Variants in RIPOR3 observed in about 807,000 individuals in gnomAD.
The protein encoded by RIPOR3 is RIPOR family member 3, also known as family with sequence similarity 65 member C.
RIPOR3 carries 95 observed loss-of-function variants against 114.3 expected under a neutral mutation model. The ratio of observed to expected loss-of-function variants is 0.83; its 90% CI spans 0.70 to 0.99. The LOEUF is 0.99. RIPOR3 is among the 50% of genes least tolerant of loss of function. RIPOR3 has a pLI of 0.00. For synonymous variants in RIPOR3, 575 were observed against 543.8 expected, an observed-to-expected ratio of 1.06 and a Z score of -0.80; for missense variants, 1,252 against 1,266.9, an observed-to-expected ratio of 0.99 and a Z score of 0.18.
At chr20:50,641,415 C>G (rs571557792) in intron 1 of RIPOR3, among the ~76,000 whole-genome samples, 2 of 152,282 alleles carry the variant, frequency 1.3e-5, no homozygotes, top group Admixed American at 6.5e-5. Context: ...CAGGGTCTCT[C>G]TATGTGGCCC....
intron 3 of RIPOR3, among the ~76,000 whole-genome samples, chr20:50,619,598 T>G (rs2084320067): frequency 6.6e-6 from 1 of 152,248 alleles, no homozygotes; most frequent in Non-Finnish European, 1.5e-5. Context: ...GCTCCTACTG[T>G]GGGGCCTTTG....
intron 14 of RIPOR3, among the ~76,000 whole-genome samples, 190 bp from the exon 15 acceptor site, chr20:50,596,453 C>T (rs1488398034): frequency 6.6e-6 from 1 of 152,158 alleles, no homozygotes; most frequent in Non-Finnish European, 1.5e-5. Flanking sequence ...GGAGGTGTGG[C>T]CAAGGGCCTG....
chr20:50,589,493 G>T (rs146044708), intron 20 of RIPOR3, among the ~76,000 whole-genome samples, 193 bp downstream of exon 20: 1 of 152,096 alleles, frequency 6.6e-6, no homozygotes, highest in Non-Finnish European at 1.5e-5. Context: ...ATGGAGTTTC[G>T]CCATGTTGGC....
chr20:50,664,013 G>A (rs750976351), intron 1 of RIPOR3, among the ~76,000 whole-genome samples: 7 of 142,914 alleles, frequency 4.9e-5, no homozygotes, highest in Non-Finnish European at 9.0e-5. Flanking sequence ...TGCAAACTCC[G>A]CCTCCCGGCT....
rs150809495 is a variant in RIPOR3, at chr20:50,602,213, G to T, written c.1518C>A (p.Thr506=). The change falls in exon 13 of 22, where the codon ACC becomes ACA. Residue 506 remains threonine (T), a synonymous_variant. Transcript: ENST00000327979. This position sits in a 1 kb window ranked among gnomAD's most constrained non-coding sequence, Gnocchi z 4.3. ...SSQNGHEEGA[T]GDREDGPGVA... The stretch of plus-strand genomic sequence containing the variant: ...CGCCAGGCCCGTCCTCTCTGTCCCC[G>T]GTTGCCCCTTCCTCGTGGCCGTTCT... 5.0e-6 allele frequency: 8 copies of T among 1,613,694 alleles called. No homozygotes were observed. The South Asian group carries it at 6.6e-5, about 13-fold the overall frequency.
intron 2 of RIPOR3, among the ~76,000 whole-genome samples, chr20:50,621,720 T>A (rs753413041): frequency 1.3e-5 from 2 of 152,206 alleles, no homozygotes; most frequent in Non-Finnish European, 2.9e-5. Context: ...CAAATCTCCA[T>A]GACAGTGAGT....
At chr20:50,681,236 AAAAAAAG>A (rs2086848582) in intron 1 of RIPOR3, among the ~76,000 whole-genome samples, 1 of 114,262 alleles carries the variant, frequency 8.8e-6, no homozygotes, top group African/African-American at 3.0e-5. Flanking sequence ...AAAAAAAAAA[AAAAAAAG>A]AAAAGAAAAG....
chr20:50,618,509 C>A (rs1158445536), intron 3 of RIPOR3, among the ~76,000 whole-genome samples: 1 of 152,052 alleles, frequency 6.6e-6, no homozygotes, highest in African/African-American at 2.4e-5. Context: ...CTGGAATGTT[C>A]TTTTCCCCTT....
intron 1 of RIPOR3, among the ~76,000 whole-genome samples, chr20:50,667,218 A>G (rs867817340): frequency 5.3e-4 from 80 of 151,808 alleles, no homozygotes; most frequent in African/African-American, 1.9e-3. Flanking sequence ...CCCATCCCCA[A>G]ACGAGCCTCC....
At chr20:50,665,308 G>A (rs1410276727) in intron 1 of RIPOR3, among the ~76,000 whole-genome samples, 8 of 149,198 alleles carry the variant, frequency 5.4e-5, no homozygotes, top group Admixed American at 2.7e-4. Context: ...AATGCTGGAC[G>A]TGGTGATGTG....
chr20:50,678,635 G>A (rs1335549407), intron 1 of RIPOR3, among the ~76,000 whole-genome samples: 1 of 152,162 alleles, frequency 6.6e-6, no homozygotes. Flanking sequence ...ATCATCAGGG[G>A]ACTGGACTAA....
chr20:50,594,206 G>T (rs1228796549), intron 17 of RIPOR3, among the ~76,000 whole-genome samples: 1 of 151,242 alleles, frequency 6.6e-6, no homozygotes, highest in African/African-American at 2.4e-5. Flanking sequence ...AACCCGGGAG[G>T]TAGAGGTTGC....
At position 50,673,616 on chromosome 20, in the gene RIPOR3, C is replaced by T. The variant is rs567752358; in HGVS notation, c.3+17510G>A. On this transcript the variant is annotated intron_variant, in intron 1 of 21. Transcript: ENST00000327979. ...AGAGGCTCCTAACTGCACCCACCCC[C>T]GATCAGCCAAAGCCAATTACTCCAC... 6.6e-5 allele frequency among the ~76,000 whole-genome samples: 10 copies of T among 152,330 alleles called. No individual in the cohort carries two copies. The East Asian group carries it at 9.6e-4, about 15-fold the overall frequency.
chr20:50,592,393 G>T lies in RIPOR3; in HGVS notation c.2528C>A (p.Ala843Asp). Residue 843 changes from alanine (A) to aspartate (D), a missense_variant, in exon 19 of 22, where the codon GCC becomes GAC. Coordinates refer to ENST00000327979, the MANE Select transcript of RIPOR3 (RefSeq NM_001290268.2). ...LDGTPRVCRA[A>D]SARLAGAVRN... is the part of the protein sequence containing the mutation. ...GACTGCACCAGCCAGGCGAGCGCTG[G>T]CCGCCCTGCACACCCTCGGAGTGCC... 2 of 1,607,262 alleles carry T rather than the reference G, an allele frequency of 1.2e-6. No individual in the cohort carries two copies. The highest frequency in any genetic ancestry group is 1.7e-6 in the Non-Finnish European group (2 of 1,175,254).
At chr20:50,594,207 T>C (rs148571862) in intron 17 of RIPOR3, among the ~76,000 whole-genome samples, 8,253 of 142,928 alleles carry the variant, frequency 0.058, 324 homozygotes, top group Non-Finnish European at 0.084. Context: ...ACCCGGGAGG[T>C]AGAGGTTGCA....
intron 2 of RIPOR3, chr20:50,620,841 G>A (rs2084374243): frequency 1.3e-5 from 11 of 842,476 alleles, no homozygotes; most frequent in South Asian, 4.2e-5. Flanking sequence ...AGGCACAGCC[G>A]CTGCAGTGGG....
intron 2 of RIPOR3, among the ~76,000 whole-genome samples, chr20:50,625,767 G>A (rs1472685180): frequency 1.1e-4 from 17 of 152,200 alleles, no homozygotes; most frequent in Admixed American, 7.9e-4. Context: ...GGACAGTATC[G>A]GGGCCTGGCC....
chr20:50,686,785 C>T (rs1188811405), intron 1 of RIPOR3, among the ~76,000 whole-genome samples: 3 of 151,920 alleles, frequency 2.0e-5, no homozygotes, highest in African/African-American at 7.3e-5. Context: ...AAAAAGTGCA[C>T]GTTTTTTAGT....
At chr20:50,686,249 G>A (rs1568974150) in intron 1 of RIPOR3, among the ~76,000 whole-genome samples, 1 of 151,736 alleles carries the variant, frequency 6.6e-6, no homozygotes, top group Non-Finnish European at 1.5e-5. Flanking sequence ...GTAGAGACGG[G>A]GTTTCACTGT....
Sources: gnomAD v4.1 joint callset for allele counts (sites outside exome capture counted in the v4.1 genomes callset) on GRCh38, gnomAD v4.1.1 for gene constraint, Gnocchi (gnomAD v3.1) non-coding constraint, MANE v1.5 for transcripts, NCBI Gene and HGNC (gene_info 2026-07-23, HGNC 2026-07-21) for gene names.